The following MXRA8 variants were observed in gnomAD, a reference collection of about 807,000 sequenced individuals.
MXRA8 encodes matrix remodeling associated 8, also known as matrix remodeling-associated protein 8.
Under a neutral mutation model 51.4 loss-of-function variants are expected in MXRA8, and 44 were observed. The ratio of observed to expected loss-of-function variants is 0.86; its 90% CI spans 0.67 to 1.10. MXRA8 has a LOEUF of 1.10. Among genes scored for constraint, MXRA8 ranks in the 50% least tolerant of loss-of-function variants. MXRA8 has a pLI of 0.00. For missense variants in MXRA8, 765 were observed against 638.9 expected (o/e 1.20, Z -2.13); for synonymous variants, 369 against 293.5 (o/e 1.26, Z -2.63).
upstream of MXRA8, among the ~76,000 whole-genome samples, chr1:1,362,139 C>T (rs1644229877): frequency 6.6e-6 from 1 of 152,196 alleles, no homozygotes; most frequent in African/African-American, 2.4e-5. Context: ...GTCCCTCCTC[C>T]TGCAGCCCCG....
chr1:1,357,135 G>A lies in MXRA8; in HGVS notation c.50-431C>T, dbSNP rs577293624. ...GACCCCACACCACACCTAAGGCTCA[G>A]CGCAGCCCCTGAGGTGCTTCCGCAG... On this transcript the variant is annotated intron_variant, in intron 1 of 9. Transcript: ENST00000309212. Among the ~76,000 whole-genome samples, 4 of 152,312 alleles carry A rather than the reference G, an allele frequency of 2.6e-5. No individual in the cohort carries two copies. In the East Asian group the frequency reaches 7.7e-4, roughly 29 times the overall value.
chr1:1,353,549 G>A lies in MXRA8; in HGVS notation c.*55C>T. 1 of 1,543,808 alleles carries A rather than the reference G, an allele frequency of 6.5e-7. No homozygotes were observed. The highest frequency in any genetic ancestry group is 8.7e-7 in the Non-Finnish European group (1 of 1,144,564). ...CCCGGAGCATCAGGAGATGCCCCGA[G>A]GAGCACAGACAGGAGAGGTGCAGCT... On this transcript the variant is annotated 3_prime_UTR_variant, in exon 10 of 10. Coordinates refer to ENST00000309212, the MANE Select transcript of MXRA8 (RefSeq NM_032348.4).
At chr1:1,359,625 G>T (rs1644194717), upstream of MXRA8, 3 of 969,612 alleles carry the variant, frequency 3.1e-6, no homozygotes, top group South Asian at 1.4e-4. Context: ...GTGCAGATCA[G>T]AGTGGTGGTC....
chr1:1,359,462 G>A (rs945416573), upstream of MXRA8: 2 of 985,328 alleles, frequency 2.0e-6, no homozygotes, highest in African/African-American at 3.5e-5. Flanking sequence ...AAAACAATCT[G>A]AACAACCACA....
upstream of MXRA8, chr1:1,358,633 G>C (rs147020024): frequency 2.0e-4 from 282 of 1,426,680 alleles, 1 homozygote; most frequent in African/African-American, 3.6e-3. Flanking sequence ...CTACGGTCTG[G>C]GGACCGCCCC....
At chr1:1,355,373 G>A in intron 3 of MXRA8, 28 bp from the exon 4 acceptor site, 1 of 1,557,716 alleles carries the variant, frequency 6.4e-7, no homozygotes, top group Non-Finnish European at 8.6e-7. Flanking sequence ...AGCCGCGCGT[G>A]AGCCTTGCGG....
At position 1,355,596 on chromosome 1, in the gene MXRA8, A is replaced by G. The variant is rs2100808189; in HGVS notation, c.230T>C (p.Leu77Pro). Reference sequence around the variant, plus strand: ...CGCGGGGCCACCCCCGGGGCCGCGCAGGTCCCAGTGGAGCACGCGCTGGCG... The same window carrying G: ...CGCGGGGCCACCCCCGGGGCCGCGCGGGTCCCAGTGGAGCACGCGCTGGCG... ...HDRQRVLHWD[L>P]RGPGGGPARR... The change falls in exon 3 of 10, where the codon CTG becomes CCG. Residue 77 changes from leucine to proline, a missense_variant. Physicochemically the swap from Leu to Pro is moderately conservative, Grantham distance 98. Coordinates refer to ENST00000309212, the MANE Select transcript of MXRA8 (RefSeq NM_032348.4). 2 of 1,476,728 alleles carry G rather than the reference A, an allele frequency of 1.4e-6. No individual in the cohort carries two copies. The highest frequency in any genetic ancestry group is 2.9e-5 in the East Asian group (1 of 34,166). The allele number at this position is 1,476,728 out of a possible 1,614,324, so 91.5% of individuals were successfully genotyped here.
Position 1,355,233 on chromosome 1 carries a change from G to A in MXRA8, c.478+11C>T. On this transcript the variant is annotated intron_variant, in intron 4 of 9. Transcript: ENST00000309212. ...GGGGCGGGAGCTGGGGGGCGGGGGG[G>A]AAGCACTCACGGCCGTCGGTGACCT... 3.2e-6 allele frequency: 5 copies of A among 1,539,538 alleles called. No homozygotes were observed. The highest frequency in any genetic ancestry group is 1.2e-5 in the South Asian group (1 of 84,014).
chr1:1,353,233 C>G lies in MXRA8; in HGVS notation c.*371G>C, dbSNP rs1381611996. The G allele has an allele frequency of 2.1e-6, 3 of 1,428,724 alleles. No individual in the cohort carries two copies. The highest frequency in any genetic ancestry group is 2.9e-6 in the Non-Finnish European group (3 of 1,036,044). The allele number at this position is 1,428,724 out of a possible 1,614,324, so 88.5% of individuals were successfully genotyped here. ...AGCAGAGCCCTGGAGGAGTGGGACTCCTGCCCTGAGGCTGACCCCAGTTTT... is the reference window on the plus strand; with the variant it reads ...AGCAGAGCCCTGGAGGAGTGGGACTGCTGCCCTGAGGCTGACCCCAGTTTT... On this transcript the variant is annotated 3_prime_UTR_variant, in exon 10 of 10. Transcript: ENST00000309212.
At chr1:1,361,972 C>A (rs940109879), upstream of MXRA8, among the ~76,000 whole-genome samples, 5 of 152,240 alleles carry the variant, frequency 3.3e-5, no homozygotes, top group Admixed American at 3.3e-4. Context: ...TGTATGCTGA[C>A]TAAATTTACA....
chr1:1,357,416 C>T (rs1203832306), intron 1 of MXRA8, among the ~76,000 whole-genome samples: 1 of 152,142 alleles, frequency 6.6e-6, no homozygotes, highest in East Asian at 1.9e-4. Flanking sequence ...TCCCCACAGA[C>T]CCCACGCCCC....
At chr1:1,362,800 A>G (rs1165734865), upstream of MXRA8, among the ~76,000 whole-genome samples, 4 of 107,378 alleles carry the variant, frequency 3.7e-5, no homozygotes, top group African/African-American at 7.1e-5. Context: ...AAAAAAAAAA[A>G]GGGTTGGGCG....
chr1:1,355,535 C>A lies in MXRA8; in HGVS notation c.291G>T (p.Gln97His), dbSNP rs1054054777. The A allele has an allele frequency of 6.0e-6, 9 of 1,494,240 alleles. No individual in the cohort carries two copies. Among genetic ancestry groups the A allele is most frequent in the Non-Finnish European group, 8.0e-6 (9 of 1,131,648 alleles). The allele number at this position is 1,494,240 out of a possible 1,614,324, so 92.6% of individuals were successfully genotyped here. ...CGCGGTCCCGCGCCTCGTACACGCGCTGCTCGCCCGCCGAGTACAAGTCCA... is the reference window on the plus strand; with the variant it reads ...CGCGGTCCCGCGCCTCGTACACGCGATGCTCGCCCGCCGAGTACAAGTCCA... ...RLLDLYSAGE[Q>H]RVYEARDRGR... The change falls in exon 3 of 10, where the codon CAG becomes CAT. Residue 97 changes from glutamine to histidine, a missense_variant. Gln to His is a conservative substitution (Grantham distance 24, BLOSUM62 0). Transcript: ENST00000309212.
upstream of MXRA8, chr1:1,358,689 C>T: frequency 7.1e-7 from 1 of 1,399,236 alleles, no homozygotes; most frequent in South Asian, 1.6e-5. Context: ...CGTTGCTGGC[C>T]TGCTGGGGAG....
chr1:1,357,791 C>T (rs1044512556), intron 1 of MXRA8, among the ~76,000 whole-genome samples: 3 of 152,106 alleles, frequency 2.0e-5, no homozygotes, highest in African/African-American at 4.8e-5. Context: ...GCCTCCTTGG[C>T]GAGAGAGAAA....
At chr1:1,361,132 C>T (rs377071532), upstream of MXRA8, 22 of 698,458 alleles carry the variant, frequency 3.1e-5, no homozygotes, top group Non-Finnish European at 4.7e-5. Context: ...TGAAGACACA[C>T]GGACACACAG....
chr1:1,354,950 C>T lies in MXRA8; in HGVS notation c.681G>A (p.Ala227=), dbSNP rs997665650. The change falls in exon 5 of 10, where the codon GCG becomes GCA. Residue 227 remains alanine (A), a synonymous_variant. Transcript: ENST00000309212. ...DRADRLLDLY[A]SGERRAYGPL... The stretch of plus-strand genomic sequence containing the variant: ...GCCCGTAGGCGCGGCGCTCGCCCGA[C>T]GCGTAGAGGTCCAGCAGGCGGTCCG... 6 of 1,600,616 alleles carry T rather than the reference C, an allele frequency of 3.7e-6. No individual in the cohort carries two copies. The South Asian group carries it at 6.7e-5, about 18-fold the overall frequency.
At chr1:1,358,860 G>T, upstream of MXRA8, 1 of 1,048,280 alleles carries the variant, frequency 9.5e-7, no homozygotes, top group South Asian at 4.1e-5. Context: ...GTGAAGGGTT[G>T]GGACTGTTGG....
At position 1,353,929 on chromosome 1, in the gene MXRA8, CTG is replaced by C; in HGVS notation, c.1223-3_1223-2del. 13 of 1,609,238 alleles carry C rather than the reference CTG, an allele frequency of 8.1e-6. No individual in the cohort carries two copies. The highest frequency in any genetic ancestry group is 1.1e-5 in the Non-Finnish European group (13 of 1,178,068). ...TCCTTCAGGATGTTGTTTTTGTAAT[CTG>C]TGGGAGGAGAGGAGGCTGAGGTCCC... On this transcript the variant is annotated splice_acceptor_variant and splice_polypyrimidine_tract_variant and intron_variant, in intron 8 of 9. Coordinates refer to ENST00000309212, the MANE Select transcript of MXRA8 (RefSeq NM_032348.4). LOFTEE classifies it high-confidence loss of function.
Sources: gnomAD v4.1 joint callset for allele counts (sites outside exome capture counted in the v4.1 genomes callset) on GRCh38, gnomAD v4.1.1 for gene constraint, MANE v1.5 for transcripts, NCBI Gene and HGNC (gene_info 2026-07-23, HGNC 2026-07-21) for gene names.